GRIA1: variants seen among roughly 807,000 people sequenced by gnomAD.
GRIA1 encodes glutamate receptor 1.
Under a neutral mutation model 99.2 loss-of-function variants are expected in GRIA1, and 31 were observed. The observed-to-expected ratio is 0.31, with a 90% CI of 0.23 to 0.42. The LOEUF is 0.42. Ranked by LOEUF, GRIA1 falls within the 10% of genes least tolerant of loss-of-function variation. The pLI, the probability that GRIA1 is intolerant of heterozygous loss-of-function variation, is 1.00. For synonymous variants in GRIA1, 438 were observed against 432.4 expected (o/e 1.01, Z -0.16); for missense variants, 782 against 1,157.5 (o/e 0.68, Z 4.71).
intron 2 of GRIA1, among the ~76,000 whole-genome samples, chr5:153,628,568 A>C (rs1252957464): frequency 1.3e-5 from 2 of 152,222 alleles, no homozygotes; most frequent in Admixed American, 1.3e-4. Flanking sequence ...ACATTATCTC[A>C]GTCTTCTGGG....
chr5:153,741,254 G>A (rs1056470875), intron 11 of GRIA1, among the ~76,000 whole-genome samples: 11 of 152,114 alleles, frequency 7.2e-5, no homozygotes, highest in African/African-American at 1.7e-4. Flanking sequence ...GATTACAGGC[G>A]TGAGCCACCG....
chr5:153,598,739 A>C (rs1445124406), intron 2 of GRIA1, among the ~76,000 whole-genome samples: 1 of 152,172 alleles, frequency 6.6e-6, no homozygotes, highest in Non-Finnish European at 1.5e-5. Context: ...GTCCACTGAA[A>C]ATCTACAATC....
chr5:153,761,987 G>A (rs957452773), intron 11 of GRIA1, among the ~76,000 whole-genome samples: 4 of 152,180 alleles, frequency 2.6e-5, no homozygotes, highest in Non-Finnish European at 5.9e-5. Context: ...GCAGTGCAGA[G>A]TAAAACAGTG....
At chr5:153,603,563 G>A (rs1038411179) in intron 2 of GRIA1, among the ~76,000 whole-genome samples, 1 of 152,098 alleles carries the variant, frequency 6.6e-6, no homozygotes, top group African/African-American at 2.4e-5. Flanking sequence ...TTTATTGAGT[G>A]CCTAAGGTAG....
At chr5:153,716,884 G>T in intron 11 of GRIA1, among the ~76,000 whole-genome samples, 1 of 152,156 alleles carries the variant, frequency 6.6e-6, no homozygotes, top group East Asian at 1.9e-4. Flanking sequence ...AGAAATGATC[G>T]TGCAAATGTG....
intron 2 of GRIA1, among the ~76,000 whole-genome samples, chr5:153,496,817 A>G (rs1754477342): frequency 6.6e-6 from 1 of 152,200 alleles, no homozygotes; most frequent in African/African-American, 2.4e-5. Context: ...TGAAATCTGA[A>G]TTAGTAGTTG....
intron 2 of GRIA1, among the ~76,000 whole-genome samples, chr5:153,553,629 T>C (rs1269171627): frequency 7.2e-5 from 11 of 152,146 alleles, no homozygotes; most frequent in Non-Finnish European, 8.8e-5. Flanking sequence ...TGAAGTTGTA[T>C]CCATGCTCAC....
chr5:153,672,649 T>C (rs1028769875), intron 5 of GRIA1, among the ~76,000 whole-genome samples: 2 of 152,190 alleles, frequency 1.3e-5, no homozygotes, highest in African/African-American at 2.4e-5. Context: ...ATAAAGTCTA[T>C]TCTTTTAGAT....
intron 9 of GRIA1, 101 bp downstream of exon 9, chr5:153,698,255 C>A: frequency 1.6e-6 from 1 of 612,616 alleles, no homozygotes; most frequent in Non-Finnish European, 2.9e-6. Flanking sequence ...CTTGCCAAAA[C>A]TGTGTAATAG....
chr5:153,523,014 A>T (rs1241819167), intron 2 of GRIA1, among the ~76,000 whole-genome samples: 1 of 74,164 alleles, frequency 1.3e-5, no homozygotes, highest in Non-Finnish European at 3.2e-5. Flanking sequence ...CTTGTTCCTG[A>T]TATCTCTCTC....
chr5:153,594,375 G>T (rs1036758967), intron 2 of GRIA1, among the ~76,000 whole-genome samples: 5 of 151,960 alleles, frequency 3.3e-5, no homozygotes, highest in African/African-American at 1.2e-4. Flanking sequence ...CTATTTCTTT[G>T]ACTTTTATTT....
chr5:153,561,817 T>A (rs1253827562), intron 2 of GRIA1, among the ~76,000 whole-genome samples: 1 of 152,122 alleles, frequency 6.6e-6, no homozygotes, highest in Non-Finnish European at 1.5e-5. Flanking sequence ...GAGGGGGCAA[T>A]CACTTCCACC....
At chr5:153,769,434 T>C (rs1369409254) in intron 12 of GRIA1, among the ~76,000 whole-genome samples, 1 of 151,942 alleles carries the variant, frequency 6.6e-6, no homozygotes, top group Non-Finnish European at 1.5e-5. Flanking sequence ...TTCTGTTCTA[T>C]GAAACAAGGA....
chr5:153,805,049 G>A (rs1766336524), intron 15 of GRIA1, among the ~76,000 whole-genome samples: 1 of 152,162 alleles, frequency 6.6e-6, no homozygotes, highest in Non-Finnish European at 1.5e-5. Context: ...ACCACACCAG[G>A]CCTCTGATCC....
chr5:153,706,554 T>C (rs1040381580), intron 11 of GRIA1, among the ~76,000 whole-genome samples: 3 of 152,290 alleles, frequency 2.0e-5, no homozygotes, highest in African/African-American at 7.2e-5. Flanking sequence ...GGCAAGTGAG[T>C]TGAGATTCAG....
intron 13 of GRIA1, among the ~76,000 whole-genome samples, chr5:153,779,087 G>C (rs1387945906): frequency 6.6e-6 from 1 of 152,168 alleles, no homozygotes; most frequent in Non-Finnish European, 1.5e-5. Flanking sequence ...TAAGTTTAGA[G>C]GGTGGGGTAG....
chr5:153,686,370 C>G, intron 8 of GRIA1, 41 bp downstream of exon 8: 2 of 1,462,392 alleles, frequency 1.4e-6, no homozygotes, highest in Non-Finnish European at 1.9e-6. Context: ...AGAGAAGAGG[C>G]TGAGCAGGGA....
intron 2 of GRIA1, among the ~76,000 whole-genome samples, chr5:153,553,556 G>T (rs986765512): frequency 3.9e-5 from 6 of 152,102 alleles, no homozygotes; most frequent in African/African-American, 1.4e-4. Flanking sequence ...CATTGGGATG[G>T]ACTGTCCATA....
At chr5:153,673,147 G>A (rs947545924) in intron 5 of GRIA1, among the ~76,000 whole-genome samples, 2 of 152,086 alleles carry the variant, frequency 1.3e-5, no homozygotes, top group Non-Finnish European at 2.9e-5. Context: ...ACTGTTTCTT[G>A]AATATGCCAA....
Sources: gnomAD v4.1 joint callset for allele counts (sites outside exome capture counted in the v4.1 genomes callset) on GRCh38, gnomAD v4.1.1 for gene constraint, MANE v1.5 for transcripts, NCBI Gene and HGNC (gene_info 2026-07-23, HGNC 2026-07-21) for gene names.